Variants in GULP1 observed in about 807,000 individuals in gnomAD.
GULP1 encodes the protein GULP PTB domain containing engulfment adaptor 1.
GULP1 carries 19 observed loss-of-function variants against 40.9 expected under a neutral mutation model. That is an observed-to-expected ratio of 0.46 (90% CI 0.32 to 0.68). The LOEUF (loss-of-function observed/expected upper bound fraction) is 0.68, where lower values mean the gene tolerates loss of function less well. GULP1 is among the 30% of genes least tolerant of loss of function. The pLI is 0.03. For synonymous variants in GULP1, 119 were observed against 117.6 expected (o/e 1.01, Z -0.08); for missense variants, 312 against 362.2 (o/e 0.86, Z 1.12).
chr2:188,548,142 A>T (rs185792012), intron 7 of GULP1, among the ~76,000 whole-genome samples: 226 of 152,182 alleles, frequency 1.5e-3, no homozygotes, highest in Non-Finnish European at 2.4e-3. Flanking sequence ...GCAAGACAAA[A>T]AAGCATATAA....
At position 188,570,116 on chromosome 2, in the gene GULP1, C is replaced by A. The variant is rs778832408; in HGVS notation, c.605C>A (p.Pro202His). ...CTGAGAATAACTCAAGTATCAGCAC[C>A]TCCAGTGAGTATATTGAATATCCTT... The part of the protein sequence containing the change: ...NQLRITQVSA[P>H]PAGSMTPKSP... Residue 202 changes from proline (P) to histidine (H), a missense_variant, in exon 9 of 12, where the codon CCT becomes CAT. By Grantham distance (77) the Pro-to-His change is moderately conservative. Transcript: ENST00000409830. 4 of 1,307,946 alleles carry A rather than the reference C, an allele frequency of 3.1e-6. No individual in the cohort carries two copies. The highest frequency in any genetic ancestry group is 4.3e-6 in the Non-Finnish European group (4 of 919,986). 81.0% of individuals were successfully genotyped at this position (1,307,946 alleles called of 1,614,324 possible).
rs185177137 is a variant in GULP1 at position 188,435,912 on chromosome 2, A to G, written c.-44-41747A>G. ...GGCCAGAAGAATCTCTTTTCTTTAA[A>G]AAGGCCCAGTCCCTCTTTTAATGAA... On this transcript the variant is annotated intron_variant, in intron 2 of 11. Coordinates refer to ENST00000409830, the MANE Select transcript of GULP1 (RefSeq NM_016315.4). 2.6e-3 allele frequency among the ~76,000 whole-genome samples: 389 copies of G among 152,228 alleles called. 1 individual carries two copies. Among genetic ancestry groups the G allele is most frequent in the African/African-American group, 9.0e-3 (374 of 41,574 alleles).
At chr2:188,317,388 A>G (rs752574012) in intron 1 of GULP1, among the ~76,000 whole-genome samples, 11 of 152,172 alleles carry the variant, frequency 7.2e-5, no homozygotes, top group Non-Finnish European at 1.5e-5. Flanking sequence ...AATCTAGTCA[A>G]CTGGGATTTT....
At chr2:188,332,756 C>A (rs149254477) in intron 1 of GULP1, among the ~76,000 whole-genome samples, 2 of 152,126 alleles carry the variant, frequency 1.3e-5, no homozygotes, top group African/African-American at 4.8e-5. Flanking sequence ...TGCAAAGCTA[C>A]AGAAATGTGA....
intron 6 of GULP1, among the ~76,000 whole-genome samples, chr2:188,539,969 A>G (rs913078027): frequency 2.6e-5 from 4 of 152,136 alleles, no homozygotes; most frequent in Non-Finnish European, 5.9e-5. Context: ...TTTGTGCTAC[A>G]CGTTGTCTGA....
chr2:188,509,357 C>T (rs1025984645), intron 4 of GULP1, among the ~76,000 whole-genome samples: 1 of 152,082 alleles, frequency 6.6e-6, no homozygotes, highest in Non-Finnish European at 1.5e-5. Flanking sequence ...GCCTTCTTTG[C>T]TTTGACCTTC....
chr2:188,486,708 T>C (rs1215618947), intron 4 of GULP1, among the ~76,000 whole-genome samples: 1 of 151,962 alleles, frequency 6.6e-6, no homozygotes, highest in South Asian at 2.1e-4. Flanking sequence ...TAATAAATGG[T>C]TTAAAATAAG....
intron 4 of GULP1, among the ~76,000 whole-genome samples, chr2:188,513,425 A>G (rs1049295477): frequency 2.0e-5 from 3 of 152,144 alleles, no homozygotes; most frequent in African/African-American, 7.2e-5. Context: ...ATACCTGCAT[A>G]TTTACACAAT....
At chr2:188,458,701 A>G (rs925366788) in intron 2 of GULP1, among the ~76,000 whole-genome samples, 1 of 152,142 alleles carries the variant, frequency 6.6e-6, no homozygotes, top group Non-Finnish European at 1.5e-5. Flanking sequence ...ACTCTTAGCT[A>G]TTTAACAAAA....
In GULP1 at chr2:188,529,117, A is replaced by G. The variant is rs1397602433; in HGVS notation, c.183A>G (p.Lys61=). 1.3e-6 allele frequency: 2 copies of G among 1,553,478 alleles called. No individual in the cohort carries two copies. Among genetic ancestry groups the G allele is most frequent in the African/African-American group, 2.7e-5 (2 of 73,356 alleles). ...RKLKFARHIK[K]SEGQKIPKVE... The stretch of plus-strand genomic sequence containing the variant: ...CGTAGTTTGCAAGACATATCAAGAA[A>G]TCTGAAGGCCAGAAAATTCCTAAAG... Residue 61 remains lysine, a synonymous_variant, in exon 6 of 12, where the codon AAA becomes AAG. Transcript: ENST00000409830.
chr2:188,579,778 TC>T (rs923669155), intron 9 of GULP1, among the ~76,000 whole-genome samples: 10 of 152,242 alleles, frequency 6.6e-5, no homozygotes, highest in African/African-American at 2.4e-4. Flanking sequence ...TAAGTTTACC[TC>T]CCCAGAGGAA....
At chr2:188,328,574 C>CAGAT (rs1232177678) in intron 1 of GULP1, among the ~76,000 whole-genome samples, 1 of 152,106 alleles carries the variant, frequency 6.6e-6, no homozygotes, top group Non-Finnish European at 1.5e-5. Context: ...ACAAGTAAAA[C>CAGAT]AGATGTTTGC....
chr2:188,407,326 G>A (rs977429145), intron 2 of GULP1, among the ~76,000 whole-genome samples: 3 of 152,102 alleles, frequency 2.0e-5, no homozygotes, highest in Admixed American at 1.3e-4. Flanking sequence ...AAATTCACTG[G>A]TAAAAGTAAA....
At chr2:188,530,609 A>C (rs1013126870) in intron 6 of GULP1, among the ~76,000 whole-genome samples, 1 of 152,180 alleles carries the variant, frequency 6.6e-6, no homozygotes, top group African/African-American at 2.4e-5. Context: ...GTACACTCAG[A>C]GTAAGGACCA....
intron 2 of GULP1, among the ~76,000 whole-genome samples, chr2:188,403,379 T>C (rs1377093757): frequency 2.6e-5 from 4 of 152,214 alleles, no homozygotes; most frequent in African/African-American, 9.6e-5. Context: ...GTGCCCTAAA[T>C]TAACATGAAG....
At chr2:188,354,168 G>A (rs945769656) in intron 1 of GULP1, among the ~76,000 whole-genome samples, 2 of 152,036 alleles carry the variant, frequency 1.3e-5, no homozygotes, top group Non-Finnish European at 2.9e-5. Flanking sequence ...GCCACTACAC[G>A]TGGCTTCATA....
chr2:188,330,243 T>C (rs1026169495), intron 1 of GULP1, among the ~76,000 whole-genome samples: 1 of 152,202 alleles, frequency 6.6e-6, no homozygotes, highest in Non-Finnish European at 1.5e-5. Context: ...AATAAACTTA[T>C]CTATTTTATA....
chr2:188,456,690 G>A (rs1444213163), intron 2 of GULP1, among the ~76,000 whole-genome samples: 1 of 152,148 alleles, frequency 6.6e-6, no homozygotes, highest in East Asian at 1.9e-4. Context: ...CCCTACTGGG[G>A]CACCACCTAG....
At chr2:188,576,096 C>T (rs1362043474) in intron 9 of GULP1, among the ~76,000 whole-genome samples, 1 of 152,012 alleles carries the variant, frequency 6.6e-6, no homozygotes, top group Non-Finnish European at 1.5e-5. Context: ...ATAGACATGA[C>T]TTAGGAGTAG....
Sources: gnomAD v4.1 joint callset for allele counts (sites outside exome capture counted in the v4.1 genomes callset) on GRCh38, gnomAD v4.1.1 for gene constraint, MANE v1.5 for transcripts, NCBI Gene and HGNC (gene_info 2026-07-23, HGNC 2026-07-21) for gene names.